Variants in FGF3 observed in about 807,000 individuals in gnomAD.
FGF3 encodes fibroblast growth factor 3, also known as FGF-3.
In FGF3, 7 loss-of-function variants were observed where a neutral mutation model predicts 9.8. The observed-to-expected ratio is 0.72, with a 90% CI of 0.41 to 1.35. The LOEUF is 1.35. FGF3 is among the 40% of genes most tolerant of loss of function. FGF3 has a pLI of 0.01. For missense variants in FGF3, 390 were observed against 345.6 expected, an observed-to-expected ratio of 1.13 and a Z score of -1.02; for synonymous variants, 173 against 157.2, an observed-to-expected ratio of 1.10 and a Z score of -0.75.
intron 2 of FGF3, among the ~76,000 whole-genome samples, chr11:69,812,430 GC>G (rs1214963435): frequency 7.2e-5 from 11 of 152,090 alleles, no homozygotes; most frequent in African/African-American, 2.4e-4. Flanking sequence ...ATAACCCCAA[GC>G]CCCCCTGCTC....
chr11:69,817,756 C>G (rs545135825), intron 1 of FGF3, among the ~76,000 whole-genome samples: 1 of 152,246 alleles, frequency 6.6e-6, no homozygotes, highest in East Asian at 1.9e-4. Context: ...CGCGGAGCAC[C>G]CGAGGACAGC....
At position 69,819,057 on chromosome 11, in the gene FGF3, C is replaced by A. The variant is rs143969364; in HGVS notation, c.-124G>T. On this transcript the variant is annotated 5_prime_UTR_variant, in exon 1 of 3. Transcript: ENST00000334134. The stretch of plus-strand genomic sequence containing the variant: ...GATCCCGCGCCTGGAGATGCTGACT[C>A]CGGCTTCGCGGGAAAGGTGGGGGAA... The A allele has an allele frequency of 0.036, 19,229 of 536,856 alleles. 520 individuals carry two copies. The highest frequency in any genetic ancestry group is 0.1 in the African/African-American group (4,931 of 49,290). The allele number at this position is 536,856 out of a possible 1,614,324, so 33.3% of individuals were successfully genotyped here. A position where few individuals can be genotyped will look rare whatever the true frequency, so the allele number is the denominator to read the frequency against.
intron 2 of FGF3, among the ~76,000 whole-genome samples, chr11:69,811,136 C>A (rs1244971587): frequency 1.3e-5 from 2 of 152,194 alleles, no homozygotes; most frequent in East Asian, 3.9e-4. Context: ...AAGATGACAA[C>A]ACCCAGATCT....
At chr11:69,814,777 T>C (rs1554980909) in intron 2 of FGF3, among the ~76,000 whole-genome samples, 1 of 152,172 alleles carries the variant, frequency 6.6e-6, no homozygotes. Context: ...TGGCTAAGCA[T>C]CCCTGGTGGG....
In FGF3 at chr11:69,810,410, C is replaced by A. The variant is rs782777786; in HGVS notation, c.615G>T (p.Gly205=). ...TCTGCCGCCGCCGTCGGGGCTGGACCCCCTTACCAGGGGGTCTGGGCAGCC... is the reference window on the plus strand; with the variant it reads ...TCTGCCGCCGCCGTCGGGGCTGGACACCCTTACCAGGGGGTCTGGGCAGCC... ...QSGLPRPPGK[G]VQPRRRRQKQ... Residue 205 remains glycine, a synonymous_variant, in exon 3 of 3, where the codon GGG becomes GGT. Coordinates refer to ENST00000334134, the MANE Select transcript of FGF3 (RefSeq NM_005247.4). 1 of 1,571,394 alleles carries A rather than the reference C, an allele frequency of 6.4e-7. No individual in the cohort carries two copies. The highest frequency in any genetic ancestry group is 2.3e-5 in the East Asian group (1 of 43,350).
At chr11:69,811,699 G>T (rs1246419916) in intron 2 of FGF3, among the ~76,000 whole-genome samples, 1 of 152,078 alleles carries the variant, frequency 6.6e-6, no homozygotes, top group Non-Finnish European at 1.5e-5. Context: ...CCTGGCATGA[G>T]GCACATGATC....
In FGF3 at chr11:69,818,863, C is replaced by A. The variant is rs1554981422; in HGVS notation, c.71G>T (p.Arg24Leu). 4 of 1,465,984 alleles carry A rather than the reference C, an allele frequency of 2.7e-6. No homozygotes were observed. The highest frequency in any genetic ancestry group is 3.6e-6 in the Non-Finnish European group (4 of 1,115,242). The allele number at this position is 1,465,984 out of a possible 1,614,324, so 90.8% of individuals were successfully genotyped here. The change falls in exon 1 of 3, where the codon CGG becomes CTG. Residue 24 changes from arginine to leucine, a missense_variant. By Grantham distance (102) the Arg-to-Leu change is moderately radical. Transcript: ENST00000334134. The part of the protein sequence containing the change: ...PGWPAAGPGA[R>L]LRRDAGGRGG... ...ACGGCCGCCCGCATCGCGCCGCAAC[C>A]GCGCCCCAGGGCCCGCTGCGGGCCA...
At chr11:69,810,744 G>C in intron 2 of FGF3, 44 bp from the exon 3 acceptor site, 1 of 1,486,368 alleles carries the variant, frequency 6.7e-7, no homozygotes, top group South Asian at 1.4e-5. Context: ...GGGAGACTGT[G>C]GCAGCGTCAG....
chr11:69,810,776 TC>T, intron 2 of FGF3, 76 bp from the exon 3 acceptor site: 1 of 1,339,622 alleles, frequency 7.5e-7, no homozygotes, highest in Non-Finnish European at 1.0e-6. Context: ...GCCTGATGCC[TC>T]CCTCCCCTCC....
chr11:69,818,185 G>A (rs1189427066), intron 1 of FGF3, among the ~76,000 whole-genome samples: 1 of 152,216 alleles, frequency 6.6e-6, no homozygotes, highest in Non-Finnish European at 1.5e-5. Context: ...GGCCACCTGG[G>A]CAGCCGCGAG....
chr11:69,815,991 A>T (rs374497795), intron 2 of FGF3, among the ~76,000 whole-genome samples: 1 of 152,246 alleles, frequency 6.6e-6, no homozygotes, highest in African/African-American at 2.4e-5. Context: ...ATTTTGGTGG[A>T]AATTTGGAGA....
chr11:69,816,527 A>T, intron 1 of FGF3, 104 bp from the exon 2 acceptor site: 6 of 813,078 alleles, frequency 7.4e-6, no homozygotes, highest in South Asian at 1.4e-5. Flanking sequence ...AGGGCTGGGG[A>T]GGGTAGCACA....
chr11:69,810,208 G>C lies in FGF3; in HGVS notation c.*97C>G, dbSNP rs941457067. On this transcript the variant is annotated 3_prime_UTR_variant, in exon 3 of 3. Transcript: ENST00000334134. ...TGGAAATAGCTGAGAACCCAGACGC[G>C]GGACGCAGGGGCAAGGGCTCAAGGA... The C allele has an allele frequency of 1.7e-6, 2 of 1,196,224 alleles. No individual in the cohort carries two copies. Among genetic ancestry groups the C allele is most frequent in the East Asian group, 2.6e-5 (1 of 38,446 alleles). The allele number at this position is 1,196,224 out of a possible 1,614,324, so 74.1% of individuals were successfully genotyped here. A position where few individuals can be genotyped will look rare whatever the true frequency, so the allele number is the denominator to read the frequency against.
rs1856006880 is a variant in FGF3 at position 69,810,451 on chromosome 11, G to A, written c.574C>T (p.Arg192Trp). 6.3e-7 allele frequency: 1 copy of A among 1,598,616 alleles called. No individual in the cohort carries two copies. The highest frequency in any genetic ancestry group is 8.5e-7 in the Non-Finnish European group (1 of 1,172,674). Residue 192 changes from arginine (R) to tryptophan (W), a missense_variant, in exon 3 of 3, where the codon CGG becomes TGG. Coordinates refer to ENST00000334134, the MANE Select transcript of FGF3 (RefSeq NM_005247.4). ...CTGGGCAGCCCACTCTGTAGCTGCC[G>A]CACCATCTCGTGGTCCCTGTGGTCC... The part of the protein sequence containing the change: ...VLDHRDHEMV[R>W]QLQSGLPRPP...
intron 1 of FGF3, 37 bp from the exon 2 acceptor site, chr11:69,816,460 C>A: frequency 6.4e-7 from 1 of 1,552,030 alleles, no homozygotes; most frequent in Non-Finnish European, 8.9e-7. Context: ...CCCGCCGCCC[C>A]CACGGAGGGG....
chr11:69,811,450 CAAAAA>C (rs33951596), intron 2 of FGF3, among the ~76,000 whole-genome samples: 5 of 97,362 alleles, frequency 5.1e-5, no homozygotes, highest in African/African-American at 1.5e-4. Context: ...AACTCTGACT[CAAAAA>C]AAAAAAAAAA....
chr11:69,813,928 G>GA (rs1565115183), intron 2 of FGF3, among the ~76,000 whole-genome samples: 20 of 88,376 alleles, frequency 2.3e-4, no homozygotes, highest in South Asian at 3.5e-4. Flanking sequence ...GGATGGATTG[G>GA]TGGATGGGTT....
In FGF3 at chr11:69,816,528, G is replaced by C. The variant is rs578103049; in HGVS notation, c.221-105C>G. ...CACACCCCGGGCTCAGGGCTGGGGA[G>C]GGTAGCACACACCCCACAGGTCGGG... On this transcript the variant is annotated intron_variant, in intron 1 of 2. Transcript: ENST00000334134. The C allele has an allele frequency of 3.7e-6, 3 of 815,876 alleles. No individual in the cohort carries two copies. In the Admixed American group the frequency reaches 6.0e-5, roughly 16 times the overall value. The allele number at this position is 815,876 out of a possible 1,614,324, so 50.5% of individuals were successfully genotyped here. A position where few individuals can be genotyped will look rare whatever the true frequency, so the allele number is the denominator to read the frequency against.
rs782246758 is a variant in FGF3, at chr11:69,810,352, C to T, written c.673G>A (p.Val225Ile). The T allele has an allele frequency of 1.5e-5, 23 of 1,566,634 alleles. No homozygotes were observed. The highest frequency in any genetic ancestry group is 1.3e-4 in the Admixed American group (7 of 55,666). The change falls in exon 3 of 3, where the codon GTT becomes ATT. Residue 225 changes from valine (V) to isoleucine (I), a missense_variant. Physicochemically the swap from Val to Ile is conservative, Grantham distance 29. Coordinates refer to ENST00000334134, the MANE Select transcript of FGF3 (RefSeq NM_005247.4). ...TGGGAGCCCAGTCTCGAAGCCTGAA[C>T]GTGAGAGGGCTCCAGGTTATCCGGG... ...QSPDNLEPSH[V>I]QASRLGSQLE...
Sources: gnomAD v4.1 joint callset for allele counts (sites outside exome capture counted in the v4.1 genomes callset) on GRCh38, gnomAD v4.1.1 for gene constraint, MANE v1.5 for transcripts, NCBI Gene and HGNC (gene_info 2026-07-23, HGNC 2026-07-21) for gene names.